The following PCSK5 variants were observed in gnomAD, a reference collection of about 807,000 sequenced individuals.
The protein encoded by PCSK5 is proprotein convertase subtilisin/kexin type 5, also known as prohormone convertase 5.
PCSK5 carries 129 observed loss-of-function variants against 233.2 expected under a neutral mutation model. The ratio of observed to expected loss-of-function variants is 0.55; its 90% confidence interval spans 0.48 to 0.64. The LOEUF (loss-of-function observed/expected upper bound fraction) is 0.64. Among genes scored for constraint, PCSK5 ranks in the 30% least tolerant of loss-of-function variants. The pLI is 0.00. For missense variants in PCSK5, 2,076 were observed against 2,430.1 expected (o/e 0.85, Z 3.06); for synonymous variants, 825 against 879.2 (o/e 0.94, Z 1.09).
intron 29 of PCSK5, 109 bp downstream of exon 29, chr9:76,308,837 A>G (rs1587853957): frequency 4.4e-6 from 3 of 677,168 alleles, no homozygotes; most frequent in African/African-American, 1.8e-5. Context: ...ATCTATTCCC[A>G]TCACATGTTC....
chr9:76,331,510 A>G (rs1829534689), intron 33 of PCSK5, among the ~76,000 whole-genome samples: 1 of 152,124 alleles, frequency 6.6e-6, no homozygotes, highest in Non-Finnish European at 1.5e-5. Context: ...TACTAAAAAT[A>G]CAAAAAATTA....
chr9:76,043,313 G>A (rs1829209785), intron 5 of PCSK5, among the ~76,000 whole-genome samples: 1 of 139,040 alleles, frequency 7.2e-6, no homozygotes, highest in Admixed American at 8.2e-5. Context: ...TCCAGCCTGG[G>A]CGACAGAGCG....
chr9:75,974,428 C>G (rs1825930203), intron 2 of PCSK5, among the ~76,000 whole-genome samples: 1 of 152,190 alleles, frequency 6.6e-6, no homozygotes, highest in Admixed American at 6.5e-5. Flanking sequence ...CCTCAGGCAA[C>G]TGGATTTAGG....
intron 10 of PCSK5, among the ~76,000 whole-genome samples, chr9:76,140,352 A>G (rs1221394348): frequency 6.6e-6 from 1 of 152,134 alleles, no homozygotes; most frequent in African/African-American, 2.4e-5. Context: ...GAGGAAGCCA[A>G]TTAGAGTTTT....
At chr9:76,262,784 A>C (rs545296929) in intron 24 of PCSK5, among the ~76,000 whole-genome samples, 2,974 of 150,816 alleles carry the variant, frequency 0.02, 38 homozygotes, top group Middle Eastern at 0.044. Context: ...AATGGGATCT[A>C]ATTAAACTAA....
chr9:76,038,227 G>A (rs1330136475), intron 5 of PCSK5, among the ~76,000 whole-genome samples: 1 of 152,142 alleles, frequency 6.6e-6, no homozygotes, highest in Non-Finnish European at 1.5e-5. Context: ...GCCCCGACAA[G>A]TATCAGGTTG....
At chr9:76,351,424 C>T (rs78969346) in intron 36 of PCSK5, among the ~76,000 whole-genome samples, 1,739 of 109,018 alleles carry the variant, frequency 0.016, 142 homozygotes, top group African/African-American at 0.057. Flanking sequence ...CAGAAACCGC[C>T]CCCCCCTGCA....
chr9:75,912,791 G>T (rs1473257386), intron 1 of PCSK5, among the ~76,000 whole-genome samples: 1 of 152,142 alleles, frequency 6.6e-6, no homozygotes, highest in African/African-American at 2.4e-5. Context: ...TGTTCAGCTT[G>T]CCGTAGTTTC....
intron 24 of PCSK5, among the ~76,000 whole-genome samples, chr9:76,250,332 T>C (rs7032580): frequency 0.011 from 1,745 of 152,234 alleles, 33 homozygotes; most frequent in African/African-American, 0.04. Context: ...CATCACTCCC[T>C]ACTACTTCTT....
intron 36 of PCSK5, among the ~76,000 whole-genome samples, chr9:76,353,668 C>A (rs548856320): frequency 6.6e-6 from 1 of 152,124 alleles, no homozygotes; most frequent in African/African-American, 2.4e-5. Flanking sequence ...TTTTGAGATG[C>A]GGGAAATGAA....
chr9:76,341,256 T>C (rs1476751801), intron 35 of PCSK5, among the ~76,000 whole-genome samples: 1 of 152,084 alleles, frequency 6.6e-6, no homozygotes, highest in Non-Finnish European at 1.5e-5. Flanking sequence ...AAATTGTTTC[T>C]TCTTCTCATC....
intron 27 of PCSK5, among the ~76,000 whole-genome samples, chr9:76,301,855 T>C (rs1297867163): frequency 6.8e-6 from 1 of 146,758 alleles, no homozygotes; most frequent in Non-Finnish European, 1.5e-5. Flanking sequence ...AAAAAAAAAA[T>C]GATGTTTACA....
In PCSK5 at chr9:75,908,945, A is replaced by C. The variant is rs77921802; in HGVS notation, c.192+17572A>C. The stretch of plus-strand genomic sequence containing the variant: ...TATCTCTCTATCTCTCTCTCTGTCT[A>C]TCTATCTATCTATCTATCTATCTAT... On this transcript the variant is annotated intron_variant, in intron 1 of 37. Transcript: ENST00000674117. Among the ~76,000 whole-genome samples the C allele has an allele frequency of 7.8e-3, 470 of 60,532 alleles. 6 individuals carry two copies. Among genetic ancestry groups the C allele is most frequent in the East Asian group, 0.064 (124 of 1,926 alleles). 39.7% of individuals were successfully genotyped at this position (60,532 alleles called of 152,430 possible).
intron 6 of PCSK5, among the ~76,000 whole-genome samples, chr9:76,068,245 C>T (rs928597948): frequency 6.6e-6 from 1 of 151,756 alleles, no homozygotes; most frequent in African/African-American, 2.4e-5. Context: ...AGCAGTCACC[C>T]TAAAATATTG....
chr9:76,249,653 A>G (rs1826738187), intron 24 of PCSK5, among the ~76,000 whole-genome samples: 1 of 152,198 alleles, frequency 6.6e-6, no homozygotes, highest in Non-Finnish European at 1.5e-5. Context: ...GGGACAGGAA[A>G]TAAACAGGAT....
chr9:76,354,231 G>A lies in PCSK5; in HGVS notation c.5254+12G>A. ...CCAGGACACCACGGGTGAGGGAAGAGCAAGAGCAGCCTGCAGAGGAAGGGC... is the reference window on the plus strand; with the variant it reads ...CCAGGACACCACGGGTGAGGGAAGAACAAGAGCAGCCTGCAGAGGAAGGGC... On this transcript the variant is annotated intron_variant, in intron 37 of 37. Coordinates refer to ENST00000674117, the MANE Select transcript of PCSK5 (RefSeq NM_001372043.1). The A allele has an allele frequency of 6.4e-7, 1 of 1,555,788 alleles. No individual in the cohort carries two copies. The highest frequency in any genetic ancestry group is 8.7e-7 in the Non-Finnish European group (1 of 1,150,310).
rs188722699 is a variant in PCSK5 at position 76,343,648 on chromosome 9, C to T, written c.4966+5201C>T. Among the ~76,000 whole-genome samples the T allele has an allele frequency of 2.4e-3, 365 of 152,248 alleles. 2 individuals carry two copies. Among genetic ancestry groups the T allele is most frequent in the African/African-American group, 8.5e-3 (353 of 41,564 alleles). On this transcript the variant is annotated intron_variant, in intron 35 of 37. Transcript: ENST00000674117. Reference sequence around the variant, plus strand: ...ACTATAAACCTGAACCAACCTCACCCACTTTCCCTCTCTCTGGAATAGTTT... The same window carrying T: ...ACTATAAACCTGAACCAACCTCACCTACTTTCCCTCTCTCTGGAATAGTTT...
chr9:76,324,339 T>C (rs930691828), intron 32 of PCSK5, among the ~76,000 whole-genome samples: 1 of 151,718 alleles, frequency 6.6e-6, no homozygotes, highest in African/African-American at 2.4e-5. Flanking sequence ...CAAGTGGTTC[T>C]CCTGCCTCAG....
chr9:76,048,335 G>C (rs1337536587), intron 5 of PCSK5, among the ~76,000 whole-genome samples: 1 of 152,124 alleles, frequency 6.6e-6, no homozygotes, highest in Non-Finnish European at 1.5e-5. Flanking sequence ...GGATTTGTTT[G>C]GCTTTCTCAC....
Sources: gnomAD v4.1 joint callset for allele counts (sites outside exome capture counted in the v4.1 genomes callset) on GRCh38, gnomAD v4.1.1 for gene constraint, MANE v1.5 for transcripts, NCBI Gene and HGNC (gene_info 2026-07-23, HGNC 2026-07-21) for gene names.